The following RASAL2 variants were observed in gnomAD, a reference collection of about 807,000 sequenced individuals.
RASAL2 encodes ras GTPase-activating protein nGAP.
Under a neutral mutation model 128.9 loss-of-function variants are expected in RASAL2, and 58 were observed. The ratio of observed to expected loss-of-function variants is 0.45; its 90% CI spans 0.36 to 0.56. The LOEUF (loss-of-function observed/expected upper bound fraction) is 0.56. Ranked by LOEUF, RASAL2 falls within the 20% of genes least tolerant of loss-of-function variation. The pLI, the probability that RASAL2 is intolerant of heterozygous loss-of-function variation, is 0.00. For missense variants in RASAL2, 1,360 were observed against 1,601.6 expected (o/e 0.85, Z 2.57); for synonymous variants, 561 against 580.8 (o/e 0.97, Z 0.49).
intron 3 of RASAL2, among the ~76,000 whole-genome samples, chr1:178,319,574 A>G (rs1668648419): frequency 6.8e-6 from 1 of 146,808 alleles, no homozygotes; most frequent in African/African-American, 2.7e-5. Flanking sequence ...CCTTTCTTCC[A>G]GTTGATCGTA....
At chr1:178,446,535 G>A (rs967159950) in intron 9 of RASAL2, among the ~76,000 whole-genome samples, 5 of 152,094 alleles carry the variant, frequency 3.3e-5, no homozygotes, top group African/African-American at 1.2e-4. Context: ...TATTAATTAG[G>A]TGTTTTACTT....
At chr1:178,147,628 C>G (rs2101872105) in intron 1 of RASAL2, among the ~76,000 whole-genome samples, 1 of 152,262 alleles carries the variant, frequency 6.6e-6, no homozygotes, top group East Asian at 1.9e-4. Context: ...ATGAGGCAAG[C>G]TGATCTTTCC....
chr1:178,420,579 C>G lies in RASAL2; in HGVS notation c.633C>G (p.Asn211Lys), dbSNP rs575340335. Residue 211 changes from asparagine (N) to lysine (K), a missense_variant, in exon 5 of 18, where the codon AAC becomes AAG. By Grantham distance (94) the Asn-to-Lys change is moderately conservative. Transcript: ENST00000367649. Reference protein sequence around the residue: ...RTKSQSKLDRNTSFRLPSLRS... With the variant: ...RTKSQSKLDRKTSFRLPSLRS... The stretch of plus-strand genomic sequence containing the variant: ...AAAGCCAGTCAAAGCTTGACAGAAA[C>G]ACGAGCTTTCGGCTTCCATCCCTTC... 1.1e-5 allele frequency: 17 copies of G among 1,612,948 alleles called. No individual in the cohort carries two copies. The South Asian group carries it at 1.8e-4, about 17-fold the overall frequency.
intron 1 of RASAL2, among the ~76,000 whole-genome samples, chr1:178,277,147 C>CAA (rs61384367): frequency 0.013 from 639 of 50,534 alleles, 1 homozygote; most frequent in African/African-American, 0.017. Flanking sequence ...GATTCCCTCT[C>CAA]AAAAAAAAAA....
At chr1:178,448,249 A>AAG in intron 9 of RASAL2, among the ~76,000 whole-genome samples, 1 of 152,202 alleles carries the variant, frequency 6.6e-6, no homozygotes, top group Non-Finnish European at 1.5e-5. Context: ...ACCAATAGAG[A>AAG]AGAGAGCATC....
intron 1 of RASAL2, among the ~76,000 whole-genome samples, chr1:178,165,790 A>G (rs1661498599): frequency 6.6e-6 from 1 of 152,142 alleles, no homozygotes; most frequent in East Asian, 1.9e-4. Context: ...CTTACTGCTA[A>G]TTTTACAGAT....
intron 4 of RASAL2, among the ~76,000 whole-genome samples, chr1:178,399,722 T>C (rs1010260810): frequency 6.6e-6 from 1 of 152,262 alleles, no homozygotes; most frequent in African/African-American, 2.4e-5. Context: ...GTACGTTTAA[T>C]GACATTGTCT....
Position 178,247,554 on chromosome 1 carries a change from G to A in RASAL2, c.203-36010G>A, listed in dbSNP as rs568375169. Among the ~76,000 whole-genome samples, 23 of 151,902 alleles carry A rather than the reference G, an allele frequency of 1.5e-4. No individual in the cohort carries two copies. In the South Asian group the frequency reaches 4.2e-3, roughly 27 times the overall value. ...TCATTTATTTTTTGAAGAGTTTTTC[G>A]TGTCTCTATCTCCTTCAGTTCTGCA... On this transcript the variant is annotated intron_variant, in intron 1 of 17. Coordinates refer to ENST00000367649, the MANE Select transcript of RASAL2 (RefSeq NM_170692.4).
At chr1:178,258,187 G>A (rs980113467) in intron 1 of RASAL2, among the ~76,000 whole-genome samples, 4 of 151,564 alleles carry the variant, frequency 2.6e-5, no homozygotes, top group Non-Finnish European at 4.4e-5. Context: ...CCAGCTACTC[G>A]GGAGGCTGAG....
At chr1:178,116,075 T>TC (rs1659512011) in intron 1 of RASAL2, among the ~76,000 whole-genome samples, 1 of 152,212 alleles carries the variant, frequency 6.6e-6, no homozygotes. Flanking sequence ...ATCCTATTCA[T>TC]CCGTTAGTAC....
Position 178,376,988 on chromosome 1 carries a change from C to A in RASAL2, c.458-13112C>A, listed in dbSNP as rs566416387. Among the ~76,000 whole-genome samples the A allele has an allele frequency of 1.9e-3, 296 of 152,120 alleles. 1 individual carries two copies. Among genetic ancestry groups the A allele is most frequent in the African/African-American group, 7.0e-3 (291 of 41,530 alleles). On this transcript the variant is annotated intron_variant, in intron 3 of 17. Coordinates refer to ENST00000367649, the MANE Select transcript of RASAL2 (RefSeq NM_170692.4). ...ATTATTATTCAGTAGATAATGATTG[C>A]GTTTTCCAAATTCTAGAATAAGAAG... is the stretch of plus-strand genomic sequence containing the variant.
chr1:178,114,581 G>A (rs1659455836), intron 1 of RASAL2, among the ~76,000 whole-genome samples: 1 of 151,650 alleles, frequency 6.6e-6, no homozygotes, highest in African/African-American at 2.4e-5. Context: ...GAGTGCAATG[G>A]CGGGATATCT....
chr1:178,257,020 A>T (rs1404910657), intron 1 of RASAL2, among the ~76,000 whole-genome samples: 1 of 152,088 alleles, frequency 6.6e-6, no homozygotes, highest in African/African-American at 2.4e-5. Flanking sequence ...AAAATTTAAG[A>T]TAATTTTATT....
intron 1 of RASAL2, among the ~76,000 whole-genome samples, chr1:178,131,779 T>G (rs1452209209): frequency 6.6e-6 from 1 of 152,148 alleles, no homozygotes; most frequent in Non-Finnish European, 1.5e-5. Context: ...AGCTGAATGC[T>G]ACTGTGAATT....
At chr1:178,298,818 G>A (rs938820706) in intron 2 of RASAL2, among the ~76,000 whole-genome samples, 2 of 151,638 alleles carry the variant, frequency 1.3e-5, no homozygotes, top group African/African-American at 4.8e-5. Flanking sequence ...GATTAATTAT[G>A]ACATACTCTG....
intron 1 of RASAL2, among the ~76,000 whole-genome samples, chr1:178,241,940 C>T (rs1664515706): frequency 6.6e-6 from 1 of 152,168 alleles, no homozygotes; most frequent in South Asian, 2.1e-4. Context: ...GCTCTCTCTT[C>T]AATTCAATTT....
In RASAL2 at chr1:178,248,213, C is replaced by T. The variant is rs557683005; in HGVS notation, c.203-35351C>T. On this transcript the variant is annotated intron_variant, in intron 1 of 17. Coordinates refer to ENST00000367649, the MANE Select transcript of RASAL2 (RefSeq NM_170692.4). Reference sequence around the variant, plus strand: ...TATTGTGTGGGAGTCTAAGTCTCTTCGTAGATCTCTGATAACTTGCTTTAT... The same window carrying T: ...TATTGTGTGGGAGTCTAAGTCTCTTTGTAGATCTCTGATAACTTGCTTTAT... Among the ~76,000 whole-genome samples the T allele has an allele frequency of 3.9e-5, 6 of 152,160 alleles. No homozygotes were observed. In the South Asian group the frequency reaches 8.3e-4, roughly 21 times the overall value.
intron 1 of RASAL2, among the ~76,000 whole-genome samples, chr1:178,168,831 C>T (rs1016819316): frequency 6.8e-4 from 104 of 152,094 alleles, no homozygotes; most frequent in Non-Finnish European, 1.8e-4. Context: ...AGTTTGTCAC[C>T]GAGTGTTTTG....
At chr1:178,299,896 A>G in intron 2 of RASAL2, 96 bp from the exon 3 acceptor site, 2 of 1,280,290 alleles carry the variant, frequency 1.6e-6, no homozygotes, top group South Asian at 2.8e-5. Flanking sequence ...TCTTTGTTAC[A>G]CACTCCTGTC....
Sources: allele counts gnomAD v4.1 joint callset (sites outside exome capture counted in the v4.1 genomes callset), GRCh38; gene constraint gnomAD v4.1.1; transcripts MANE v1.5; gene names NCBI Gene and HGNC (gene_info 2026-07-23, HGNC 2026-07-21).